Variants in CC2D2A observed in about 807,000 individuals in gnomAD.
CC2D2A encodes the protein coiled-coil and C2 domain containing 2A.
A neutral mutation model predicts 212.9 loss-of-function variants in CC2D2A; 155 were observed. That is an observed-to-expected ratio of 0.73 (90% CI 0.64 to 0.83). CC2D2A has a LOEUF of 0.83. CC2D2A is among the 40% of genes least tolerant of loss of function. The pLI, the probability that CC2D2A is intolerant of heterozygous loss-of-function variation, is 0.00. For missense variants in CC2D2A, 1,856 were observed against 1,956.2 expected, an observed-to-expected ratio of 0.95 and a Z score of 0.97; for synonymous variants, 667 against 686.5, an observed-to-expected ratio of 0.97 and a Z score of 0.44.
rs143660290 is a variant in CC2D2A at position 15,591,449 on chromosome 4, C to A, written c.4314+1770C>A. 5.3e-3 allele frequency among the ~76,000 whole-genome samples: 800 copies of A among 152,194 alleles called. 5 individuals are homozygous for A. Among genetic ancestry groups the A allele is most frequent in the African/African-American group, 0.016 (656 of 41,532 alleles). On this transcript the variant is annotated intron_variant, in intron 33 of 36. Transcript: ENST00000424120. Reference sequence around the variant, plus strand: ...GGTCAGGCTGGTCTTGAGCTCCCGACCTCAGGTGATCTGCCCGCCTCAGCC... The same window carrying A: ...GGTCAGGCTGGTCTTGAGCTCCCGAACTCAGGTGATCTGCCCGCCTCAGCC...
At chr4:15,489,457 C>G (rs1379494091) in intron 4 of CC2D2A, among the ~76,000 whole-genome samples, 1 of 152,142 alleles carries the variant, frequency 6.6e-6, no homozygotes, top group East Asian at 1.9e-4. Flanking sequence ...CTACCTCACA[C>G]AGTACTGGGA....
intron 6 of CC2D2A, 109 bp from the exon 7 acceptor site, chr4:15,510,030 C>A: frequency 1.3e-6 from 1 of 775,774 alleles, no homozygotes; most frequent in Non-Finnish European, 2.1e-6. Context: ...TAAGATGCAG[C>A]AGCAGTCAGA....
intron 29 of CC2D2A, chr4:15,576,490 CTTATT>C (rs1355728420): frequency 2.9e-6 from 1 of 340,864 alleles, no homozygotes; most frequent in Non-Finnish European, 4.2e-6. Context: ...TCCTGAAACT[CTTATT>C]TTAATATCAC....
At chr4:15,493,308 G>A (rs1434974832) in intron 4 of CC2D2A, among the ~76,000 whole-genome samples, 3 of 151,850 alleles carry the variant, frequency 2.0e-5, no homozygotes, top group Non-Finnish European at 4.4e-5. Context: ...TGGCTCTGTT[G>A]CTCAGGCTGG....
intron 11 of CC2D2A, chr4:15,519,811 C>T (rs1380297666): frequency 3.1e-6 from 1 of 321,162 alleles, no homozygotes; most frequent in South Asian, 2.5e-5. Context: ...AATTCAATCA[C>T]CTCCCACCCA....
chr4:15,485,599 T>G (rs1714951910), intron 4 of CC2D2A, among the ~76,000 whole-genome samples: 1 of 152,350 alleles, frequency 6.6e-6, no homozygotes, highest in South Asian at 2.1e-4. Context: ...TCACTAACAG[T>G]ATACAAGCAT....
At chr4:15,516,868 C>A in intron 11 of CC2D2A, 112 bp downstream of exon 11, 13 of 977,212 alleles carry the variant, frequency 1.3e-5, no homozygotes, top group Non-Finnish European at 1.6e-5. Context: ...TTAAATAATT[C>A]ACTATCTTAC....
At chr4:15,564,727 G>A (rs779386340) in intron 24 of CC2D2A, among the ~76,000 whole-genome samples, 4 of 152,130 alleles carry the variant, frequency 2.6e-5, no homozygotes, top group Non-Finnish European at 5.9e-5. Flanking sequence ...TGCCCAGGCT[G>A]AGTACAGTGG....
At chr4:15,593,627 C>T (rs1164303473) in intron 33 of CC2D2A, among the ~76,000 whole-genome samples, 1 of 152,154 alleles carries the variant, frequency 6.6e-6, no homozygotes, top group Non-Finnish European at 1.5e-5. Flanking sequence ...CAGTCTTTCC[C>T]ATCTCAATAA....
At chr4:15,511,832 G>C (rs1040222389) in intron 8 of CC2D2A, among the ~76,000 whole-genome samples, 9 of 152,074 alleles carry the variant, frequency 5.9e-5, no homozygotes, top group African/African-American at 2.2e-4. Context: ...ACCACACCCA[G>C]GCTACAACTC....
At chr4:15,566,699 T>C (rs1009416380) in intron 24 of CC2D2A, among the ~76,000 whole-genome samples, 1 of 152,080 alleles carries the variant, frequency 6.6e-6, no homozygotes, top group African/African-American at 2.4e-5. Context: ...AAGCTGGGCA[T>C]GGTGGCTCAC....
chr4:15,515,826 A>T, intron 9 of CC2D2A, 42 bp from the exon 10 acceptor site: 1 of 1,516,806 alleles, frequency 6.6e-7, no homozygotes, highest in African/African-American at 1.4e-5. Context: ...AGATATTTAG[A>T]TTGGCCCTAA....
At chr4:15,579,925 C>G (rs2109083216) in intron 29 of CC2D2A, 43 bp from the exon 30 acceptor site, 6 of 1,502,590 alleles carry the variant, frequency 4.0e-6, no homozygotes, top group Admixed American at 1.7e-5. Flanking sequence ...TACTTTCTCT[C>G]TTGTAATCAT....
chr4:15,587,075 A>G (rs752749478), intron 31 of CC2D2A, among the ~76,000 whole-genome samples: 2 of 152,148 alleles, frequency 1.3e-5, no homozygotes, highest in Non-Finnish European at 2.9e-5. Flanking sequence ...GTAGAATACA[A>G]TTTTTCCATG....
At chr4:15,524,977 AAAAG>A (rs934444295) in intron 11 of CC2D2A, among the ~76,000 whole-genome samples, 7 of 152,360 alleles carry the variant, frequency 4.6e-5, no homozygotes, top group Admixed American at 2.6e-4. Context: ...AGACGCAACA[AAAAG>A]AAAGACAAGG....
Position 15,511,174 on chromosome 4 carries a change from C to G in CC2D2A, c.541-73C>G, listed in dbSNP as rs1303111305. The G allele has an allele frequency of 4.8e-6, 7 of 1,458,650 alleles. No individual in the cohort carries two copies. The East Asian group carries it at 1.9e-4, about 39-fold the overall frequency. 90.4% of individuals were successfully genotyped at this position (1,458,650 alleles called of 1,614,324 possible). ...CCTGATCTCATTAGCATTAAGCCAG[C>G]TGTCAGTTAATTGTGCAGAGCGCAT... On this transcript the variant is annotated intron_variant, in intron 7 of 36. Coordinates refer to ENST00000424120, the MANE Select transcript of CC2D2A (RefSeq NM_001378615.1).
chr4:15,484,410 G>C (rs564584859), intron 4 of CC2D2A, among the ~76,000 whole-genome samples: 5 of 152,244 alleles, frequency 3.3e-5, no homozygotes, highest in African/African-American at 1.2e-4. Flanking sequence ...TGAGATGAGC[G>C]TCATTGGAGG....
intron 4 of CC2D2A, among the ~76,000 whole-genome samples, chr4:15,488,019 G>A (rs2080176): frequency 0.46 from 69,745 of 151,612 alleles, 16,597 homozygotes; most frequent in African/African-American, 0.57. Context: ...TCTATCTCTT[G>A]ACAAATTGTT....
rs1719710506 is a variant in CC2D2A, at chr4:15,563,372, T to C, written c.3032T>C (p.Leu1011Pro). 1 of 1,604,022 alleles carries C rather than the reference T, an allele frequency of 6.2e-7. No individual in the cohort carries two copies. The highest frequency in any genetic ancestry group is 8.5e-7 in the Non-Finnish European group (1 of 1,174,918). ...ATCATTAGCATTTTGGGCCTAAGCCTTTTCAAGCTGGCAGAACAAAAGCGA... is the reference window on the plus strand; with the variant it reads ...ATCATTAGCATTTTGGGCCTAAGCCCTTTCAAGCTGGCAGAACAAAAGCGA... The part of the protein sequence containing the change: ...VPNISILGLS[L>P]FKLAEQKRPL... Residue 1011 changes from leucine (L) to proline (P), a missense_variant, in exon 24 of 37, where the codon CTT becomes CCT. Leu to Pro is a moderately conservative substitution (Grantham distance 98). Transcript: ENST00000424120.
Sources: gnomAD v4.1 joint callset for allele counts (sites outside exome capture counted in the v4.1 genomes callset) on GRCh38, gnomAD v4.1.1 for gene constraint, MANE v1.5 for transcripts, NCBI Gene and HGNC (gene_info 2026-07-23, HGNC 2026-07-21) for gene names.